The following MAJIN variants were observed in gnomAD, a reference collection of about 807,000 sequenced individuals.
MAJIN encodes membrane-anchored junction protein.
MAJIN carries 27 observed loss-of-function variants against 30.2 expected under a neutral mutation model. That is an observed-to-expected ratio of 0.89 (90% CI 0.66 to 1.23). The LOEUF is 1.23. MAJIN is among the 50% of genes most tolerant of loss of function. The pLI is 0.00. For missense variants in MAJIN, 253 were observed against 260.3 expected (o/e 0.97, Z 0.19); for synonymous variants, 78 against 91.6 (o/e 0.85, Z 0.85).
At chr11:64,947,324 C>T in intron 8 of MAJIN, 50 bp downstream of exon 8, 1 of 1,507,840 alleles carries the variant, frequency 6.6e-7, no homozygotes, top group South Asian at 1.2e-5. Context: ...TAATAGCTGG[C>T]AAAGCCTAAC....
intron 4 of MAJIN, 82 bp from the exon 5 acceptor site, chr11:64,950,512 C>T (rs1945535518): frequency 1.7e-6 from 2 of 1,154,232 alleles, no homozygotes; most frequent in Non-Finnish European, 2.5e-6. Context: ...TACTCACATA[C>T]CCTATACACT....
At chr11:64,941,006 T>A (rs553094175) in intron 8 of MAJIN, among the ~76,000 whole-genome samples, 1 of 151,782 alleles carries the variant, frequency 6.6e-6, no homozygotes, top group South Asian at 2.1e-4. Context: ...GCCCGGCTAA[T>A]TTTTTGTATT....
chr11:64,956,319 T>A (rs953729850), intron 3 of MAJIN, among the ~76,000 whole-genome samples: 4 of 140,226 alleles, frequency 2.9e-5, no homozygotes, highest in South Asian at 2.3e-4. Context: ...AATAAATAAA[T>A]AAAAATAAAA....
chr11:64,954,288 T>G, intron 4 of MAJIN: 1 of 261,322 alleles, frequency 3.8e-6, no homozygotes, highest in Non-Finnish European at 7.5e-6. Flanking sequence ...AGGAACCGGG[T>G]AGAAAGGAAT....
At chr11:64,938,612 G>T in intron 10 of MAJIN, 39 bp from the exon 11 acceptor site, 1 of 1,525,876 alleles carries the variant, frequency 6.6e-7, no homozygotes, top group Non-Finnish European at 8.8e-7. Flanking sequence ...GACTCTATGA[G>T]GTCTCCTTCC....
intron 1 of MAJIN, among the ~76,000 whole-genome samples, chr11:64,970,361 CTTT>C (rs1196525730): frequency 1.5e-5 from 1 of 66,056 alleles, no homozygotes; most frequent in Non-Finnish European, 2.9e-5. Flanking sequence ...AAGACTCCGT[CTTT>C]TTTTTTTTTT....
chr11:64,941,534 G>A (rs964779503), intron 8 of MAJIN, among the ~76,000 whole-genome samples: 1 of 152,154 alleles, frequency 6.6e-6, no homozygotes, highest in Non-Finnish European at 1.5e-5. Flanking sequence ...GCAGGCACCT[G>A]TAATCTCAGC....
intron 1 of MAJIN, among the ~76,000 whole-genome samples, chr11:64,966,465 G>A (rs1945811382): frequency 6.6e-6 from 1 of 151,960 alleles, no homozygotes; most frequent in Non-Finnish European, 1.5e-5. Flanking sequence ...AACCCAGGAG[G>A]CGGAGGTTGC....
rs143689314 is a variant in MAJIN, at chr11:64,961,395, G to A, written c.-64-1260C>T. 7.9e-3 allele frequency among the ~76,000 whole-genome samples: 1,195 copies of A among 150,842 alleles called. 14 individuals carry two copies. Among genetic ancestry groups the A allele is most frequent in the African/African-American group, 0.027 (1,109 of 41,054 alleles). ...TTGGCCAGACTGGTCTTGAAGTCCT[G>A]ACCTCAGGTGATCTGCCTGCTTCGT... is the stretch of plus-strand genomic sequence containing the variant. On this transcript the variant is annotated intron_variant, in intron 1 of 10. Coordinates refer to ENST00000301896, the MANE Select transcript of MAJIN (RefSeq NM_001037225.3).
At chr11:64,965,936 A>G (rs1175030394) in intron 1 of MAJIN, among the ~76,000 whole-genome samples, 1 of 150,400 alleles carries the variant, frequency 6.6e-6, no homozygotes, top group Non-Finnish European at 1.5e-5. Context: ...AGCCTGGGCA[A>G]CAGAGCGAGA....
At chr11:64,946,838 A>C (rs140367215) in intron 8 of MAJIN, among the ~76,000 whole-genome samples, 2 of 152,168 alleles carry the variant, frequency 1.3e-5, no homozygotes, top group African/African-American at 4.8e-5. Context: ...CTCCACAATA[A>C]AAATATGTTA....
intron 8 of MAJIN, among the ~76,000 whole-genome samples, chr11:64,945,746 A>C (rs1362935658): frequency 6.6e-6 from 1 of 152,154 alleles, no homozygotes; most frequent in Non-Finnish European, 1.5e-5. Context: ...CAGGTTGGCC[A>C]GCCTGGTCTT....
intron 1 of MAJIN, among the ~76,000 whole-genome samples, chr11:64,963,774 G>A (rs1945763848): frequency 1.3e-5 from 2 of 152,158 alleles, no homozygotes; most frequent in Non-Finnish European, 2.9e-5. Flanking sequence ...GGGAGGTGGA[G>A]GCTGCGATGA....
chr11:64,971,908 G>A lies in MAJIN; in HGVS notation c.-96C>T, dbSNP rs1945913177. 6.6e-6 allele frequency: 1 copy of A among 152,412 alleles called. No individual in the cohort carries two copies. The highest frequency in any genetic ancestry group is 1.5e-5 in the Non-Finnish European group (1 of 68,188). The allele number at this position is 152,412 out of a possible 1,614,324, so 9.4% of individuals were successfully genotyped here. On this transcript the variant is annotated 5_prime_UTR_variant, in exon 1 of 11. Coordinates refer to ENST00000301896, the MANE Select transcript of MAJIN (RefSeq NM_001037225.3). ...CCCAGGTGGTTCCCAGGCTCGGCCA[G>A]GCTATGTCTCACACACTGACTAGGG... is the stretch of plus-strand genomic sequence containing the variant.
intron 1 of MAJIN, among the ~76,000 whole-genome samples, chr11:64,968,845 A>C (rs75649616): frequency 6.6e-6 from 1 of 151,590 alleles, no homozygotes; most frequent in Non-Finnish European, 1.5e-5. Context: ...AAAAAAAAAA[A>C]CAAGAATGAG....
chr11:64,960,790 G>T (rs1478752749), intron 1 of MAJIN, among the ~76,000 whole-genome samples: 2 of 152,184 alleles, frequency 1.3e-5, no homozygotes, highest in East Asian at 1.9e-4. Flanking sequence ...CGTGCCCGAA[G>T]AATGGAATTT....
intron 8 of MAJIN, among the ~76,000 whole-genome samples, chr11:64,941,993 C>T (rs550311996): frequency 6.6e-6 from 1 of 152,210 alleles, no homozygotes; most frequent in African/African-American, 2.4e-5. Flanking sequence ...TATTATTTCT[C>T]CATGTGCTGC....
rs188622813 is a variant in MAJIN at position 64,938,279 on chromosome 11, C to G, written c.*296G>C. 335 of 456,256 alleles carry G rather than the reference C, an allele frequency of 7.3e-4. 3 individuals are homozygous for G. The highest frequency in any genetic ancestry group is 3.5e-3 in the African/African-American group (182 of 51,642). 28.3% of individuals were successfully genotyped at this position (456,256 alleles called of 1,614,324 possible). ...TCATTAGGATCCTAAGTGCCGAAGA[C>G]AAAAGGCCTAAACCGGCCCTCAGGA... is the stretch of plus-strand genomic sequence containing the variant. On this transcript the variant is annotated 3_prime_UTR_variant, in exon 11 of 11. Transcript: ENST00000301896.
chr11:64,956,544 C>T (rs1206454120), intron 3 of MAJIN, among the ~76,000 whole-genome samples: 4 of 151,712 alleles, frequency 2.6e-5, no homozygotes, highest in African/African-American at 7.3e-5. Flanking sequence ...CAAAGAACAA[C>T]AAAGACCAGT....
Sources: gnomAD v4.1 joint callset for allele counts (sites outside exome capture counted in the v4.1 genomes callset) on GRCh38, gnomAD v4.1.1 for gene constraint, MANE v1.5 for transcripts, NCBI Gene and HGNC (gene_info 2026-07-23, HGNC 2026-07-21) for gene names.